SEMA3E: variants seen among roughly 807,000 people sequenced by gnomAD.
The protein encoded by SEMA3E is semaphorin-3E.
A neutral mutation model predicts 93.6 loss-of-function variants in SEMA3E; 49 were observed. The observed-to-expected ratio is 0.52, with a 90% confidence interval of 0.42 to 0.66. The LOEUF (loss-of-function observed/expected upper bound fraction) is 0.66, where lower values mean the gene tolerates loss of function less well. SEMA3E is among the 30% of genes least tolerant of loss of function. The pLI is 0.00. For synonymous variants in SEMA3E, 363 were observed against 330.7 expected (o/e 1.10, Z -1.06); for missense variants, 906 against 964.8 (o/e 0.94, Z 0.81).
intron 2 of SEMA3E, among the ~76,000 whole-genome samples, chr7:83,472,956 T>C (rs1789934456): frequency 6.6e-6 from 1 of 152,166 alleles, no homozygotes; most frequent in Non-Finnish European, 1.5e-5. Context: ...TGTTTCCCCT[T>C]CAGCTTCCAC....
At chr7:83,504,354 GC>G (rs990416060) in intron 1 of SEMA3E, among the ~76,000 whole-genome samples, 1 of 152,148 alleles carries the variant, frequency 6.6e-6, no homozygotes, top group Non-Finnish European at 1.5e-5. Context: ...GTTGGTAGAT[GC>G]TATGTGGATG....
chr7:83,486,411 C>T (rs576665682), intron 2 of SEMA3E, among the ~76,000 whole-genome samples: 31 of 151,956 alleles, frequency 2.0e-4, no homozygotes, highest in Admixed American at 2.6e-4. Flanking sequence ...GAAAGCACAA[C>T]GGGAGAGATT....
chr7:83,379,535 C>A (rs1448442691), intron 16 of SEMA3E, among the ~76,000 whole-genome samples: 1 of 151,876 alleles, frequency 6.6e-6, no homozygotes, highest in African/African-American at 2.4e-5. Context: ...CTTTTACTTT[C>A]TCTTTTTTAG....
rs144737725 is a variant in SEMA3E at position 83,370,899 on chromosome 7, T to A, written c.1876-2861A>T. On this transcript the variant is annotated intron_variant, in intron 16 of 16. Transcript: ENST00000643230. ...AGCTCACTTTCTTTTGTCAACATCCTGATTTAGAACTTATTCAGATCTCTA... is the reference window on the plus strand; with the variant it reads ...AGCTCACTTTCTTTTGTCAACATCCAGATTTAGAACTTATTCAGATCTCTA... Among the ~76,000 whole-genome samples, 39 of 152,282 alleles carry A rather than the reference T, an allele frequency of 2.6e-4. No homozygotes were observed. The East Asian group carries it at 6.8e-3, about 26-fold the overall frequency.
intron 1 of SEMA3E, among the ~76,000 whole-genome samples, chr7:83,538,546 C>T (rs1791453769): frequency 1.3e-5 from 2 of 152,084 alleles, no homozygotes. Flanking sequence ...CTCCAGTAGG[C>T]ATATGCACAC....
At chr7:83,404,122 A>G (rs915498040) in intron 9 of SEMA3E, among the ~76,000 whole-genome samples, 4 of 151,990 alleles carry the variant, frequency 2.6e-5, no homozygotes, top group Non-Finnish European at 5.9e-5. Flanking sequence ...TCACAGCATA[A>G]GGGAGGAGAT....
Position 83,394,565 on chromosome 7 carries a change from T to G in SEMA3E, c.1459-227A>C, listed in dbSNP as rs1037138178. Among the ~76,000 whole-genome samples, 7 of 134,448 alleles carry G rather than the reference T, an allele frequency of 5.2e-5. No individual in the cohort carries two copies. The Admixed American group carries it at 5.7e-4, about 11-fold the overall frequency. The allele number at this position is 134,448 out of a possible 152,430, so 88.2% of individuals were successfully genotyped here. ...TGCAGATGAGAAGAGCAGCAGGAAA[T>G]CTAACCAGCTTACTGTTTGGAATAT... On this transcript the variant is annotated intron_variant, in intron 12 of 16. Transcript: ENST00000643230.
intron 1 of SEMA3E, among the ~76,000 whole-genome samples, chr7:83,589,889 A>C (rs1014403013): frequency 6.6e-6 from 1 of 152,090 alleles, no homozygotes; most frequent in African/African-American, 2.4e-5. Flanking sequence ...TGCTTGGTCT[A>C]AAAACCTTAA....
intron 1 of SEMA3E, among the ~76,000 whole-genome samples, chr7:83,640,784 G>A (rs937306633): frequency 1.3e-5 from 2 of 152,100 alleles, no homozygotes; most frequent in African/African-American, 2.4e-5. Context: ...TTATCTGGAA[G>A]AGAAGTAGAA....
intron 1 of SEMA3E, among the ~76,000 whole-genome samples, chr7:83,613,338 A>G (rs552809898): frequency 3.9e-5 from 6 of 152,206 alleles, no homozygotes; most frequent in Admixed American, 2.6e-4. Context: ...GGAATTATCA[A>G]TTCTTCCCTG....
At position 83,400,143 on chromosome 7, in the gene SEMA3E, A is replaced by C. The variant is rs2115616642; in HGVS notation, c.1251T>G (p.Pro417=). The change falls in exon 11 of 17, where the codon CCT becomes CCG. Residue 417 remains proline, a synonymous_variant. Transcript: ENST00000643230. ...TTACCAATATTGGTTTTTTATGGGC[A>C]GGTTTTATGGCCTGGTACATTAGTG... ...SHPLMYQAIK[P]AHKKPILVKT... 2.5e-6 allele frequency: 4 copies of C among 1,613,918 alleles called. No individual in the cohort carries two copies. Among genetic ancestry groups the C allele is most frequent in the Non-Finnish European group, 3.4e-6 (4 of 1,179,926 alleles).
intron 7 of SEMA3E, 102 bp downstream of exon 7, chr7:83,406,995 G>C: frequency 1.4e-6 from 2 of 1,395,330 alleles, no homozygotes; most frequent in Non-Finnish European, 2.0e-6. Flanking sequence ...GCAGTCTAAA[G>C]AATACTAGAA....
At chr7:83,413,960 C>T (rs548005593) in intron 5 of SEMA3E, among the ~76,000 whole-genome samples, 60 of 152,088 alleles carry the variant, frequency 3.9e-4, no homozygotes, top group African/African-American at 1.3e-3. Flanking sequence ...TTCGTTGTGA[C>T]GGAACCATAA....
At chr7:83,465,238 T>G (rs1789727201) in intron 4 of SEMA3E, among the ~76,000 whole-genome samples, 1 of 151,874 alleles carries the variant, frequency 6.6e-6, no homozygotes, top group Non-Finnish European at 1.5e-5. Context: ...TTCTTTTACC[T>G]ACCCAAATCC....
At chr7:83,490,361 C>T (rs1790357017) in intron 1 of SEMA3E, 87 bp from the exon 2 acceptor site, 1 of 1,324,680 alleles carries the variant, frequency 7.5e-7, no homozygotes, top group Non-Finnish European at 1.1e-6. Flanking sequence ...GTTTTCATCC[C>T]TATTGGAACT....
chr7:83,490,430 G>A (rs933756440), intron 1 of SEMA3E, among the ~76,000 whole-genome samples, 156 bp from the exon 2 acceptor site: 4 of 151,968 alleles, frequency 2.6e-5, no homozygotes, highest in Non-Finnish European at 5.9e-5. Context: ...ATGTGCACAA[G>A]TTAAAATATT....
In SEMA3E at chr7:83,587,454, A is replaced by C. The variant is rs112431326; in HGVS notation, c.115+60974T>G. Among the ~76,000 whole-genome samples the C allele has an allele frequency of 5.9e-5, 9 of 152,318 alleles. 1 individual carries two copies. Among genetic ancestry groups the C allele is most frequent in the African/African-American group, 2.2e-4 (9 of 41,582 alleles). On this transcript the variant is annotated intron_variant, in intron 1 of 16. Transcript: ENST00000643230. ...GCATAAAAAAAGTTACGTGGATGAA[A>C]GTCTTCCACTTAGAAGTCATCAAGT...
chr7:83,547,711 G>T (rs368314573), intron 1 of SEMA3E, among the ~76,000 whole-genome samples: 1 of 152,100 alleles, frequency 6.6e-6, no homozygotes, highest in African/African-American at 2.4e-5. Flanking sequence ...GTTGCTGCTA[G>T]AGATGTTGGT....
At chr7:83,465,656 T>C (rs930888149) in intron 4 of SEMA3E, among the ~76,000 whole-genome samples, 3 of 152,162 alleles carry the variant, frequency 2.0e-5, no homozygotes, top group Non-Finnish European at 2.9e-5. Context: ...AACAACAGAA[T>C]ATCTAGAACT....
Sources: allele counts gnomAD v4.1 joint callset (sites outside exome capture counted in the v4.1 genomes callset), GRCh38; gene constraint gnomAD v4.1.1; transcripts MANE v1.5; gene names NCBI Gene and HGNC (gene_info 2026-07-23, HGNC 2026-07-21).